The following TTLL2 variants were observed in gnomAD, a reference collection of about 807,000 sequenced individuals.
The protein encoded by TTLL2 is probable tubulin polyglutamylase TTLL2.
Under a neutral mutation model 7.5 loss-of-function variants are expected in TTLL2, and 10 were observed. The ratio of observed to expected loss-of-function variants is 1.33; its 90% CI spans 0.82 to 2.25. The LOEUF is 2.25. Among genes scored for constraint, TTLL2 ranks in the 30% most tolerant of loss-of-function variants. The pLI is 0.00. For synonymous variants in TTLL2, 284 were observed against 280.3 expected, an observed-to-expected ratio of 1.01 and a Z score of -0.13; for missense variants, 733 against 735.7, an observed-to-expected ratio of 1.00 and a Z score of 0.04.
At position 167,342,256 on chromosome 6, in the gene TTLL2, A is replaced by T. The variant is rs1779107472; in HGVS notation, c.*577A>T. On this transcript the variant is annotated 3_prime_UTR_variant, in exon 3 of 3. Coordinates refer to ENST00000239587, the MANE Select transcript of TTLL2 (RefSeq NM_031949.5). ...GTGGGGGCATCTTTGGGCTGTATTT[A>T]AATAGTGGCCCCTTGGCCTTGTCAC... Among the ~76,000 whole-genome samples, 1 of 152,238 alleles carries T rather than the reference A, an allele frequency of 6.6e-6. No individual in the cohort carries two copies. The highest frequency in any genetic ancestry group is 2.4e-5 in the African/African-American group (1 of 41,450).
chr6:167,326,215 A>C (rs1218829676), intron 1 of TTLL2, among the ~76,000 whole-genome samples: 2 of 152,142 alleles, frequency 1.3e-5, no homozygotes, highest in Non-Finnish European at 2.9e-5. Flanking sequence ...GCGACCTTAG[A>C]ACTTTCTTGA....
In TTLL2 at chr6:167,338,629, A is replaced by G. The variant is rs371220696; in HGVS notation, c.48-18A>G. ...GGGAGATGCTGTGTGTTCATTGTTG[A>G]TGCTGCTTTGTTCACAGATCTTTGA... On this transcript the variant is annotated intron_variant, in intron 1 of 2. Transcript: ENST00000239587. 33 of 1,605,298 alleles carry G rather than the reference A, an allele frequency of 2.1e-5. No individual in the cohort carries two copies. Among genetic ancestry groups the G allele is most frequent in the Middle Eastern group, 1.7e-4 (1 of 6,052 alleles).
In TTLL2 at chr6:167,341,448, G is replaced by A. The variant is rs773254686; in HGVS notation, c.1548G>A (p.Thr516=). The A allele has an allele frequency of 3.3e-5, 54 of 1,613,880 alleles. No individual in the cohort carries two copies. The East Asian group carries it at 4.7e-4, about 14-fold the overall frequency. The change falls in exon 3 of 3, where the codon ACG becomes ACA. Residue 516 remains threonine, a synonymous_variant. Transcript: ENST00000239587. ...AGCCCAAGTTACGGAGCAGGCACACGCCTCACAAGACACTCATGCCCTACG... is the reference window on the plus strand; with the variant it reads ...AGCCCAAGTTACGGAGCAGGCACACACCTCACAAGACACTCATGCCCTACG... ...QSKPKLRSRH[T]PHKTLMPYAS... is the part of the protein sequence containing the mutation.
In TTLL2 at chr6:167,338,756, T is replaced by G. The variant is rs761994264; in HGVS notation, c.157T>G (p.Ser53Ala). Residue 53 changes from serine to alanine, a missense_variant, in exon 2 of 3, where the codon TCC (serine) becomes GCC (alanine). Transcript: ENST00000239587. Reference protein sequence around the residue: ...LGARLQEAGVSIPPRRGRPTP... With the variant: ...LGARLQEAGVAIPPRRGRPTP... ...AGCAAGGCTACAGGAAGCAGGTGTT[T>G]CCATCCCTCCCAGGCGAGGCCGCCC... 5.0e-6 allele frequency: 8 copies of G among 1,613,706 alleles called. No homozygotes were observed. The highest frequency in any genetic ancestry group is 4.0e-5 in the African/African-American group (3 of 74,890).
At chr6:167,330,427 G>A (rs1317239972) in intron 1 of TTLL2, among the ~76,000 whole-genome samples, 1 of 152,046 alleles carries the variant, frequency 6.6e-6, no homozygotes, top group Non-Finnish European at 1.5e-5. Flanking sequence ...CAGGCGTGGT[G>A]GTGCCCACCT....
chr6:167,329,613 C>T (rs1352552396), intron 1 of TTLL2, among the ~76,000 whole-genome samples: 1 of 152,150 alleles, frequency 6.6e-6, no homozygotes, highest in Non-Finnish European at 1.5e-5. Flanking sequence ...TATCATATTA[C>T]ACGTCCCTTT....
Position 167,341,049 on chromosome 6 carries a change from G to C in TTLL2, c.1149G>C (p.Trp383Cys). The C allele has an allele frequency of 6.2e-7, 1 of 1,613,918 alleles. No individual in the cohort carries two copies. Among genetic ancestry groups the C allele is most frequent in the South Asian group, 1.1e-5 (1 of 91,042 alleles). Reference protein sequence around the residue: ...DILIDDNLKPWLLEVNYSPAL... With the variant: ...DILIDDNLKPCLLEVNYSPAL... ...TGATTGATGACAACTTGAAACCATG[G>C]CTTTTAGAGGTCAACTACAGCCCAG... The change falls in exon 3 of 3, where the codon TGG (tryptophan) becomes TGC (cysteine). Residue 383 changes from tryptophan to cysteine, a missense_variant. By Grantham distance (215) the Trp-to-Cys change is radical. Coordinates refer to ENST00000239587, the MANE Select transcript of TTLL2 (RefSeq NM_031949.5).
intron 1 of TTLL2, among the ~76,000 whole-genome samples, chr6:167,327,120 C>T (rs1778856442): frequency 6.6e-6 from 1 of 152,162 alleles, no homozygotes. Context: ...ACTGAATACA[C>T]ATTTTATAAG....
chr6:167,338,864 C>A lies in TTLL2; in HGVS notation c.204+61C>A. 4 of 1,446,014 alleles carry A rather than the reference C, an allele frequency of 2.8e-6. No individual in the cohort carries two copies. The Admixed American group carries it at 9.4e-5, about 34-fold the overall frequency. The allele number at this position is 1,446,014 out of a possible 1,614,324, so 89.6% of individuals were successfully genotyped here. A position where few individuals can be genotyped will look rare whatever the true frequency, so the allele number is the denominator to read the frequency against. On this transcript the variant is annotated intron_variant, in intron 2 of 2. Coordinates refer to ENST00000239587, the MANE Select transcript of TTLL2 (RefSeq NM_031949.5). The stretch of plus-strand genomic sequence containing the variant: ...CCTTCCTTCCTTCCTTCCTTCCTTC[C>A]TTCTTTCCTCCTTCTTTTTTCCCCT...
At chr6:167,332,427 G>A (rs371898619) in intron 1 of TTLL2, among the ~76,000 whole-genome samples, 15 of 152,012 alleles carry the variant, frequency 9.9e-5, no homozygotes, top group Non-Finnish European at 1.8e-4. Flanking sequence ...AATGTTAGGC[G>A]AAATTCAATT....
At position 167,340,146 on chromosome 6, in the gene TTLL2, C is replaced by T; in HGVS notation, c.246C>T (p.Ala82=). 6.2e-7 allele frequency: 1 copy of T among 1,600,856 alleles called. No individual in the cohort carries two copies. The highest frequency in any genetic ancestry group is 8.5e-7 in the Non-Finnish European group (1 of 1,174,412). The change falls in exon 3 of 3, where the codon GCC becomes GCT. Residue 82 remains alanine (A), a synonymous_variant. Coordinates refer to ENST00000239587, the MANE Select transcript of TTLL2 (RefSeq NM_031949.5). The part of the protein sequence containing the change: ...HLMAEDEPSG[A]LLKPLVFRVD... Reference sequence around the variant, plus strand: ...TGGCGGAAGATGAACCTTCAGGGGCCCTCTTGAAGCCGCTGGTTTTTCGCG... The same window carrying T: ...TGGCGGAAGATGAACCTTCAGGGGCTCTCTTGAAGCCGCTGGTTTTTCGCG...
chr6:167,340,771 C>G lies in TTLL2; in HGVS notation c.871C>G (p.Gln291Glu), dbSNP rs201317865. ...ATEKFDLSNLQNNYAHLTNSS... is the reference protein window; with the variant it reads ...ATEKFDLSNLENNYAHLTNSS... ...GGAAAAGTTTGACCTCAGTAATTTG[C>G]AAAACAATTATGCCCATTTGACCAA... The change falls in exon 3 of 3, where the codon CAA becomes GAA. Residue 291 changes from glutamine to glutamate, a missense_variant. By Grantham distance (29) the Gln-to-Glu change is conservative. Coordinates refer to ENST00000239587, the MANE Select transcript of TTLL2 (RefSeq NM_031949.5). 5.6e-6 allele frequency: 9 copies of G among 1,614,138 alleles called. No homozygotes were observed. In the Admixed American group the frequency reaches 1.5e-4, roughly 27 times the overall value.
chr6:167,331,729 G>T (rs1056785804), intron 1 of TTLL2, among the ~76,000 whole-genome samples: 25 of 152,092 alleles, frequency 1.6e-4, no homozygotes, highest in African/African-American at 5.8e-4. Flanking sequence ...TGTAACAATC[G>T]CTGAGTCCTG....
chr6:167,330,375 T>C (rs1778905562), intron 1 of TTLL2, among the ~76,000 whole-genome samples: 1 of 152,106 alleles, frequency 6.6e-6, no homozygotes. Context: ...CTGACCGACA[T>C]GGTGAAACCC....
At chr6:167,326,554 C>T (rs973372112) in intron 1 of TTLL2, among the ~76,000 whole-genome samples, 16 of 152,106 alleles carry the variant, frequency 1.1e-4, no homozygotes, top group South Asian at 4.1e-4. Context: ...AGAACAATCA[C>T]GCACAAGGCC....
At position 167,342,076 on chromosome 6, in the gene TTLL2, GT is replaced by G. The variant is rs942224933; in HGVS notation, c.*406del. The G allele has an allele frequency of 1.5e-4, 24 of 159,172 alleles. No individual in the cohort carries two copies. Among genetic ancestry groups the G allele is most frequent in the African/African-American group, 2.4e-4 (10 of 41,582 alleles). 9.9% of individuals were successfully genotyped at this position (159,172 alleles called of 1,614,324 possible). On this transcript the variant is annotated 3_prime_UTR_variant, in exon 3 of 3. Coordinates refer to ENST00000239587, the MANE Select transcript of TTLL2 (RefSeq NM_031949.5). ...GAAGCCAGGAGTTAACTTTCTGTGT[GT>G]TTTTTTTTAAATCAACCAGTTATTT...
Position 167,340,371 on chromosome 6 carries a change from CTGTT to C in TTLL2, c.474_477del (p.Cys158TrpfsTer5), listed in dbSNP as rs146650729. ...GAACCACCAAGCTTACCAGGAAAGA[CTGTT>C]TGGCCAAACACCTGAAGCACATGAG... On this transcript the variant is annotated frameshift_variant, in exon 3 of 3. Transcript: ENST00000239587. LOFTEE classifies it low-confidence loss of function (END_TRUNC). The C allele has an allele frequency of 1.9e-4, 306 of 1,614,190 alleles. 1 individual carries two copies. In the African/African-American group the frequency reaches 3.3e-3, roughly 17 times the overall value.
intron 1 of TTLL2, among the ~76,000 whole-genome samples, chr6:167,338,033 T>C (rs1779013323): frequency 6.7e-6 from 1 of 149,724 alleles, no homozygotes; most frequent in Non-Finnish European, 1.5e-5. Flanking sequence ...ACACACCACA[T>C]GCAATACAAC....
rs532523919 is a variant in TTLL2, at chr6:167,325,653, G to A, written c.47+433G>A. ...GTGACAGATGCTAGGGTTATGAGAC[G>A]GAACTGGATCATCTATGAAACACAC... On this transcript the variant is annotated intron_variant, in intron 1 of 2. Transcript: ENST00000239587. 1.8e-4 allele frequency among the ~76,000 whole-genome samples: 28 copies of A among 152,268 alleles called. No individual in the cohort carries two copies. The East Asian group carries it at 2.3e-3, about 13-fold the overall frequency.
Sources: allele counts gnomAD v4.1 joint callset (sites outside exome capture counted in the v4.1 genomes callset), GRCh38; gene constraint gnomAD v4.1.1; transcripts MANE v1.5; gene names NCBI Gene and HGNC (gene_info 2026-07-23, HGNC 2026-07-21).